The following RBFOX1 variants were observed in gnomAD, a reference collection of about 807,000 sequenced individuals.
RBFOX1 encodes the protein RNA binding fox-1 homolog 1, also known as RNA binding protein fox-1 homolog 1.
RBFOX1 carries 8 observed loss-of-function variants against 57.7 expected under a neutral mutation model. The ratio of observed to expected loss-of-function variants is 0.14; its 90% CI spans 0.08 to 0.25. The LOEUF (loss-of-function observed/expected upper bound fraction) is 0.25, where lower values mean the gene tolerates loss of function less well. Ranked by LOEUF, RBFOX1 falls within the 10% of genes least tolerant of loss-of-function variation. The pLI, the probability that RBFOX1 is intolerant of heterozygous loss-of-function variation, is 1.00. For synonymous variants in RBFOX1, 326 were observed against 222.4 expected (o/e 1.47, Z -4.15); for missense variants, 611 against 548.5 (o/e 1.11, Z -1.14).
chr16:5,792,930 T>G (rs2054750028), intron 3 of RBFOX1, among the ~76,000 whole-genome samples: 1 of 152,158 alleles, frequency 6.6e-6, no homozygotes, highest in Non-Finnish European at 1.5e-5. Flanking sequence ...CTCATATTCT[T>G]TGTGTTGGGT....
chr16:5,641,030 A>G (rs1397005814), intron 3 of RBFOX1, among the ~76,000 whole-genome samples: 2 of 151,450 alleles, frequency 1.3e-5, no homozygotes, highest in African/African-American at 4.9e-5. Flanking sequence ...CCATGCATAA[A>G]CACCCATGCA....
chr16:6,812,011 T>TTA (rs2088764872), intron 3 of RBFOX1, among the ~76,000 whole-genome samples: 2 of 152,200 alleles, frequency 1.3e-5, no homozygotes, highest in African/African-American at 4.8e-5. Flanking sequence ...GCCATGCCAT[T>TTA]TCTCCAGATA....
intron 3 of RBFOX1, among the ~76,000 whole-genome samples, chr16:6,805,976 A>G (rs2086676611): frequency 1.3e-5 from 2 of 152,198 alleles, no homozygotes; most frequent in East Asian, 1.9e-4. Context: ...AGGAGGAGTT[A>G]CCTTTTGTGA....
At chr16:5,959,470 C>G (rs542933789) in intron 4 of RBFOX1, among the ~76,000 whole-genome samples, 1 of 152,236 alleles carries the variant, frequency 6.6e-6, no homozygotes, top group Admixed American at 6.5e-5. Context: ...CATACAATGA[C>G]AGGGGTGTTT....
intron 1 of RBFOX1, among the ~76,000 whole-genome samples, chr16:5,354,981 AG>A (rs2065351014): frequency 6.8e-6 from 1 of 147,286 alleles, no homozygotes; most frequent in South Asian, 2.3e-4. Flanking sequence ...AGAGGTTGGA[AG>A]GGGTGAAGGG....
Position 5,341,538 on chromosome 16 carries a change from C to T in RBFOX1, c.219+101433C>T, listed in dbSNP as rs917315490. 5.3e-5 allele frequency among the ~76,000 whole-genome samples: 8 copies of T among 152,166 alleles called. No individual in the cohort carries two copies. In the East Asian group the frequency reaches 9.6e-4, roughly 18 times the overall value. On this transcript the variant is annotated intron_variant, in intron 1 of 2. Coordinates refer to the RBFOX1 transcript ENST00000585867. ...GGTGGGGAAAAGAACTGAGATATTC[C>T]CTGAGTTTTTTTATTTGAGCCATGG...
intron 3 of RBFOX1, among the ~76,000 whole-genome samples, chr16:5,774,614 A>G (rs539155222): frequency 6.6e-6 from 1 of 152,334 alleles, no homozygotes; most frequent in African/African-American, 2.4e-5. Context: ...AAACATTTAC[A>G]TGGTGTCTAC....
intron 2 of RBFOX1, among the ~76,000 whole-genome samples, chr16:6,334,272 C>T (rs940803190): frequency 6.6e-6 from 1 of 151,932 alleles, no homozygotes; most frequent in East Asian, 1.9e-4. Flanking sequence ...CTTTGGGAGG[C>T]CAAGGTGGGC....
rs928436220 is a variant in RBFOX1, at chr16:6,065,909, C to A, written c.-127+45917C>A. ...GGGTTGTCCTCATATGAAGTGATTG[C>A]CTGCCAGTGTCAACAGAAGGATTCC... is the stretch of plus-strand genomic sequence containing the variant. On this transcript the variant is annotated intron_variant, in intron 1 of 15. Transcript: ENST00000550418. 5.3e-5 allele frequency among the ~76,000 whole-genome samples: 8 copies of A among 152,256 alleles called. No individual in the cohort carries two copies. In the East Asian group the frequency reaches 1.5e-3, roughly 29 times the overall value.
At chr16:7,174,751 G>A (rs2081330350) in intron 4 of RBFOX1, among the ~76,000 whole-genome samples, 1 of 152,214 alleles carries the variant, frequency 6.6e-6, no homozygotes, top group African/African-American at 2.4e-5. Flanking sequence ...TTGCACTCCA[G>A]ACTGGGAGAC....
At chr16:5,383,244 T>G (rs2151395938) in intron 1 of RBFOX1, among the ~76,000 whole-genome samples, 1 of 152,254 alleles carries the variant, frequency 6.6e-6, no homozygotes, top group South Asian at 2.1e-4. Flanking sequence ...TGGCAAGATC[T>G]GAAATTCATG....
intron 1 of RBFOX1, among the ~76,000 whole-genome samples, chr16:5,420,984 T>TTCCTCC (rs141254741): frequency 5.5e-5 from 7 of 127,538 alleles, no homozygotes; most frequent in East Asian, 5.3e-4. Flanking sequence ...CCTTCTTCCC[T>TTCCTCC]TCCTCCTCCT....
chr16:6,882,396 C>T (rs2063132255), intron 3 of RBFOX1, among the ~76,000 whole-genome samples: 1 of 151,950 alleles, frequency 6.6e-6, no homozygotes, highest in Non-Finnish European at 1.5e-5. Flanking sequence ...TCTCTCTCTT[C>T]CCAGCCTGGC....
chr16:7,474,185 G>C (rs1270985508), intron 4 of RBFOX1, among the ~76,000 whole-genome samples: 4 of 152,200 alleles, frequency 2.6e-5, no homozygotes, highest in African/African-American at 9.6e-5. Flanking sequence ...TACTCAGGGG[G>C]CTGAGGCAGC....
chr16:7,702,602 C>T (rs1417832293), intron 14 of RBFOX1, among the ~76,000 whole-genome samples: 2 of 152,168 alleles, frequency 1.3e-5, no homozygotes, highest in Admixed American at 6.5e-5. Flanking sequence ...GGCAGTGCTG[C>T]AGAACTCAGA....
intron 4 of RBFOX1, among the ~76,000 whole-genome samples, chr16:7,393,612 T>C (rs915316512): frequency 1.3e-5 from 2 of 152,070 alleles, no homozygotes; most frequent in African/African-American, 4.8e-5. Flanking sequence ...CAGAGGAAGG[T>C]ATGGTTTCAG....
intron 4 of RBFOX1, among the ~76,000 whole-genome samples, chr16:7,089,044 C>G (rs1016478651): frequency 4.6e-5 from 7 of 152,180 alleles, no homozygotes; most frequent in African/African-American, 1.4e-4. Context: ...GTCTCTAGGT[C>G]TGCCTTGCCC....
intron 2 of RBFOX1, among the ~76,000 whole-genome samples, chr16:5,486,144 C>G (rs1215688665): frequency 6.6e-6 from 1 of 152,166 alleles, no homozygotes; most frequent in Admixed American, 6.5e-5. Context: ...ACTTAAAACC[C>G]TATAAAAATG....
intron 4 of RBFOX1, among the ~76,000 whole-genome samples, chr16:7,289,783 G>A (rs578107428): frequency 6.6e-6 from 1 of 152,252 alleles, no homozygotes; most frequent in Non-Finnish European, 1.5e-5. Flanking sequence ...AGTCTTGTGA[G>A]ATAAAAATAT....
Sources: gnomAD v4.1 joint callset for allele counts (sites outside exome capture counted in the v4.1 genomes callset) on GRCh38, gnomAD v4.1.1 for gene constraint, MANE v1.5 for transcripts, NCBI Gene and HGNC (gene_info 2026-07-23, HGNC 2026-07-21) for gene names.